The following ZBBX variants were observed in gnomAD, a reference collection of about 807,000 sequenced individuals.
The protein encoded by ZBBX is zinc finger B-box domain containing, also known as zinc finger B-box domain-containing protein 1.
A neutral mutation model predicts 108.5 loss-of-function variants in ZBBX; 101 were observed. The observed-to-expected ratio is 0.93, with a 90% confidence interval of 0.79 to 1.10. The LOEUF (loss-of-function observed/expected upper bound fraction) is 1.10, where lower values mean the gene tolerates loss of function less well. ZBBX is among the 50% of genes least tolerant of loss of function. ZBBX has a pLI of 0.00. For synonymous variants in ZBBX, 356 were observed against 323.4 expected (o/e 1.10, Z -1.08); for missense variants, 1,009 against 941.4 (o/e 1.07, Z -0.94).
the ZBBX span, among the ~76,000 whole-genome samples, chr3:167,194,248 A>ATATATATATATATATATATATATG: frequency 7.2e-6 from 1 of 139,384 alleles, no homozygotes; most frequent in Non-Finnish European, 1.6e-5. Flanking sequence ...ATATATATAT[A>ATATATATATATATATATATATATG]TATGTATATT....
chr3:167,374,428 G>T (rs1012325604), intron 2 of ZBBX, among the ~76,000 whole-genome samples: 1 of 152,062 alleles, frequency 6.6e-6, no homozygotes, highest in African/African-American at 2.4e-5. Flanking sequence ...TAAATCACAT[G>T]AACAACTATT....
rs563621309 is a variant in ZBBX, at chr3:167,401,870, T to C, written c.-446+5856A>G. On this transcript the variant is annotated intron_variant, in intron 1 of 21. Transcript: ENST00000455345. ...TCTGGTTCACACACCTCTGACATTA[T>C]GAGAATGTCAAAAGATAAAATAAAA... Among the ~76,000 whole-genome samples the C allele has an allele frequency of 7.9e-5, 12 of 152,252 alleles. No individual in the cohort carries two copies. In the East Asian group the frequency reaches 2.3e-3, roughly 29 times the overall value.
chr3:167,207,723 T>C, the ZBBX span, among the ~76,000 whole-genome samples: 4 of 151,884 alleles, frequency 2.6e-5, no homozygotes, highest in African/African-American at 4.8e-5. Context: ...ATGAAGACAA[T>C]AGAATAATAG....
chr3:167,360,712 TC>T lies in ZBBX; in HGVS notation c.284del (p.Gly95GlufsTer3). 7.2e-7 allele frequency: 1 copy of T among 1,391,030 alleles called. No homozygotes were observed. Among genetic ancestry groups the T allele is most frequent in the Non-Finnish European group, 9.4e-7 (1 of 1,062,286 alleles). 86.2% of individuals were successfully genotyped at this position (1,391,030 alleles called of 1,614,324 possible). A position where few individuals can be genotyped will look rare whatever the true frequency, so the allele number is the denominator to read the frequency against. On this transcript the variant is annotated frameshift_variant, in exon 7 of 22. Transcript: ENST00000675490. LOFTEE classifies it high-confidence loss of function. ...CCTTCAGCAATTTTAATTTCACTTT[TC>T]CAGCAGAAAACTGTATTAATAAAAT... ...NKGNVVKFSA[G>X]KVKLKLLKEQ...
intron 8 of ZBBX, among the ~76,000 whole-genome samples, chr3:167,358,233 A>G (rs1359058418): frequency 6.6e-6 from 1 of 152,124 alleles, no homozygotes; most frequent in African/African-American, 2.4e-5. Context: ...ATTCCACAAT[A>G]TGAATAAGCC....
chr3:167,243,748 C>CTTTTTTTTT (rs148483655), intron 20 of ZBBX, among the ~76,000 whole-genome samples: 6 of 70,872 alleles, frequency 8.5e-5, no homozygotes, highest in Non-Finnish European at 1.3e-4. Context: ...GTGGACTTGA[C>CTTTTTTTTT]TTTTTTTTTT....
intron 20 of ZBBX, among the ~76,000 whole-genome samples, chr3:167,251,037 C>T (rs1722500705): frequency 6.6e-6 from 1 of 152,152 alleles, no homozygotes; most frequent in African/African-American, 2.4e-5. Flanking sequence ...GGCAGAAGAG[C>T]ACACCGACAG....
At chr3:167,299,419 A>G (rs1483844893) in intron 17 of ZBBX, among the ~76,000 whole-genome samples, 1 of 152,140 alleles carries the variant, frequency 6.6e-6, no homozygotes, top group Non-Finnish European at 1.5e-5. Context: ...AGACACCAAT[A>G]AACAATTACA....
downstream of ZBBX, among the ~76,000 whole-genome samples, chr3:167,236,432 C>T (rs562985375): frequency 6.6e-6 from 1 of 151,770 alleles, no homozygotes; most frequent in Non-Finnish European, 1.5e-5. Flanking sequence ...TAGCAAAGCA[C>T]TTTCCAGTTG....
intron 20 of ZBBX, among the ~76,000 whole-genome samples, chr3:167,275,106 T>G (rs1281591331): frequency 6.6e-6 from 1 of 152,228 alleles, no homozygotes; most frequent in East Asian, 1.9e-4. Context: ...TTTCCTTTTA[T>G]TAAGTTGGCT....
chr3:167,294,165 T>C (rs562930609), intron 18 of ZBBX, among the ~76,000 whole-genome samples: 16 of 152,148 alleles, frequency 1.1e-4, no homozygotes, highest in Admixed American at 5.9e-4. Flanking sequence ...AAGTTAACAT[T>C]AACTTCTTCA....
rs773705832 is a variant in ZBBX, at chr3:167,322,124, GT to G, written c.975del (p.Lys325AsnfsTer55). On this transcript the variant is annotated frameshift_variant, in exon 12 of 22. Transcript: ENST00000675490. LOFTEE classifies it high-confidence loss of function. ...LSYMEKLWLKKHRRTPQEQLF... is the reference protein window; with the variant it reads ...LSYMEKLWLKXHRRTPQEQLF... ...TATAATTTCAGAAAATACCTCCTGT[GT>G]TTTTTAAGCCATAATTTTTCCATAT... 2 of 1,292,208 alleles carry G rather than the reference GT, an allele frequency of 1.5e-6. No individual in the cohort carries two copies. Among genetic ancestry groups the G allele is most frequent in the African/African-American group, 1.5e-5 (1 of 65,264 alleles). The allele number at this position is 1,292,208 out of a possible 1,614,324, so 80.0% of individuals were successfully genotyped here. A position where few individuals can be genotyped will look rare whatever the true frequency, so the allele number is the denominator to read the frequency against.
chr3:167,386,098 G>A (rs1283618505), intron 1 of ZBBX, among the ~76,000 whole-genome samples: 2 of 151,780 alleles, frequency 1.3e-5, no homozygotes, highest in East Asian at 1.9e-4. Flanking sequence ...AGAAAATCAT[G>A]GGGCAAAAAT....
intron 9 of ZBBX, among the ~76,000 whole-genome samples, chr3:167,335,802 G>A (rs549020754): frequency 1.3e-5 from 2 of 151,852 alleles, no homozygotes; most frequent in Admixed American, 6.6e-5. Context: ...AATGATGAAC[G>A]TGACCTATGC....
intron 5 of ZBBX, chr3:167,366,968 CTA>C (rs1234503355): frequency 2.2e-6 from 1 of 454,768 alleles, no homozygotes; most frequent in African/African-American, 2.0e-5. Context: ...AACCAATGCT[CTA>C]TTAGAGGGGG....
chr3:167,333,163 A>G (rs1257031938), intron 10 of ZBBX, among the ~76,000 whole-genome samples: 1 of 151,910 alleles, frequency 6.6e-6, no homozygotes, highest in Non-Finnish European at 1.5e-5. Context: ...TTTAACTTCA[A>G]CCCAGACTTG....
At chr3:167,286,792 T>C (rs913608510) in intron 19 of ZBBX, among the ~76,000 whole-genome samples, 3 of 152,078 alleles carry the variant, frequency 2.0e-5, no homozygotes, top group African/African-American at 7.2e-5. Context: ...GTGGCAGGGA[T>C]GAGAAGAATG....
intron 3 of ZBBX, among the ~76,000 whole-genome samples, chr3:167,373,343 G>A (rs1396372281): frequency 6.6e-6 from 1 of 152,152 alleles, no homozygotes; most frequent in African/African-American, 2.4e-5. Flanking sequence ...GGAGTTACTG[G>A]AACCAGTCTC....
chr3:167,226,674 A>G, the ZBBX span, among the ~76,000 whole-genome samples: 1 of 151,602 alleles, frequency 6.6e-6, no homozygotes, highest in Non-Finnish European at 1.5e-5. Context: ...TCCTCATCTG[A>G]TTATCTTTTT....
Sources: allele counts gnomAD v4.1 joint callset (sites outside exome capture counted in the v4.1 genomes callset), GRCh38; gene constraint gnomAD v4.1.1; transcripts MANE v1.5; gene names NCBI Gene and HGNC (gene_info 2026-07-23, HGNC 2026-07-21).